Variants in GATAD1 observed in about 807,000 individuals in gnomAD.
GATAD1 encodes the protein GATA zinc finger domain containing 1.
A neutral mutation model predicts 26.5 loss-of-function variants in GATAD1; 12 were observed. The observed-to-expected ratio is 0.45, with a 90% confidence interval of 0.29 to 0.73. GATAD1 has a LOEUF of 0.73. Ranked by LOEUF, GATAD1 falls within the 30% of genes least tolerant of loss-of-function variation. GATAD1 has a pLI of 0.10. For missense variants in GATAD1, 266 were observed against 342.1 expected (o/e 0.78, Z 1.75); for synonymous variants, 129 against 133.1 (o/e 0.97, Z 0.21).
downstream of GATAD1, chr7:92,461,464 C>A (rs757855724): frequency 2.0e-5 from 3 of 152,120 alleles, no homozygotes; most frequent in Non-Finnish European, 4.4e-5. Flanking sequence ...GGTTCTGTTT[C>A]TCTGATCGAA....
At chr7:92,469,195 G>T in the GATAD1 span, 1 of 736,796 alleles carries the variant, frequency 1.4e-6, no homozygotes, top group South Asian at 1.4e-5. Context: ...AAATAAACAG[G>T]TTCCCCCTCT....
chr7:92,488,688 T>C, the GATAD1 span, among the ~76,000 whole-genome samples: 463 of 152,290 alleles, frequency 3.0e-3, 2 homozygotes, highest in South Asian at 0.028. Context: ...AGAATCACTT[T>C]CAACTTTTAA....
rs1585175314 is a variant in GATAD1 at position 92,457,921 on chromosome 7, G to C, written c.*1359G>C. ...GGAGGCCTGAGTGGATGGATCACTT[G>C]AGGTCAGGAGTTCAGGACCAGCCTG... On this transcript the variant is annotated 3_prime_UTR_variant, in exon 5 of 5. Transcript: ENST00000287957. 1 of 152,226 alleles carries C rather than the reference G, an allele frequency of 6.6e-6. No individual in the cohort carries two copies. The highest frequency in any genetic ancestry group is 1.9e-4 in the East Asian group (1 of 5,188). The allele number at this position is 152,226 out of a possible 1,614,324, so 9.4% of individuals were successfully genotyped here.
At chr7:92,490,176 C>T in the GATAD1 span, 1 of 478,902 alleles carries the variant, frequency 2.1e-6, no homozygotes, top group Admixed American at 3.6e-5. Flanking sequence ...TTAAATCCAA[C>T]ACACTAATGC....
chr7:92,492,805 A>G, the GATAD1 span: 5 of 697,728 alleles, frequency 7.2e-6, no homozygotes, highest in East Asian at 2.6e-5. Flanking sequence ...TATTCCAACT[A>G]TGGAACATTC....
In GATAD1 at chr7:92,457,161, GAA is replaced by G. The variant is rs35310565; in HGVS notation, c.*618_*619del. The G allele has an allele frequency of 8.4e-5, 8 of 95,546 alleles. No homozygotes were observed. The East Asian group carries it at 1.3e-3, about 15-fold the overall frequency. The allele number at this position is 95,546 out of a possible 1,614,324, so 5.9% of individuals were successfully genotyped here. Reference sequence around the variant, plus strand: ...GCAACAGAGTGAGACTCTTGTCTCGGAAAAAAAAAAAAAAAAAAAAGGCTGGG... The same window carrying G: ...GCAACAGAGTGAGACTCTTGTCTCGGAAAAAAAAAAAAAAAAAAGGCTGGG... On this transcript the variant is annotated 3_prime_UTR_variant, in exon 5 of 5. Coordinates refer to ENST00000287957, the MANE Select transcript of GATAD1 (RefSeq NM_021167.5).
At chr7:92,461,294 A>T (rs1387836581), downstream of GATAD1, 1 of 152,264 alleles carries the variant, frequency 6.6e-6, no homozygotes, top group Non-Finnish European at 1.5e-5. Flanking sequence ...CCTGTCCTCC[A>T]CTTGAAATCT....
the GATAD1 span, among the ~76,000 whole-genome samples, chr7:92,485,137 A>G: frequency 6.6e-6 from 1 of 152,152 alleles, no homozygotes; most frequent in Admixed American, 6.5e-5. Flanking sequence ...ACAAATCACA[A>G]TGGTGGAATG....
Position 92,454,344 on chromosome 7 carries a change from T to A in GATAD1, c.436-158T>A. 13 of 619,186 alleles carry A rather than the reference T, an allele frequency of 2.1e-5. 1 individual carries two copies. In the South Asian group the frequency reaches 2.4e-4, roughly 12 times the overall value. The allele number at this position is 619,186 out of a possible 1,614,324, so 38.4% of individuals were successfully genotyped here. A position where few individuals can be genotyped will look rare whatever the true frequency, so the allele number is the denominator to read the frequency against. ...AATTTTCATTCAAACGTGAAACAAC[T>A]TTAGAATTGGCACCAAACATATAAA... On this transcript the variant is annotated intron_variant, in intron 3 of 4. Transcript: ENST00000287957.
At chr7:92,448,996 GGGGAATGGTCCAGATTCCCCAAAA>G (rs1789300775) in intron 2 of GATAD1, 119 bp downstream of exon 2, 9 of 1,188,402 alleles carry the variant, frequency 7.6e-6, no homozygotes, top group Non-Finnish European at 1.1e-5. Context: ...TTAGTATTCT[GGGGAATGGTCCAGATTCCCCAAAA>G]GGGAATGAGC....
the GATAD1 span, chr7:92,469,249 A>G: frequency 1.2e-4 from 92 of 764,074 alleles, no homozygotes; most frequent in Non-Finnish European, 2.1e-4. Flanking sequence ...TTGAAGGACT[A>G]CTGCTGCTAG....
At chr7:92,492,060 T>C in the GATAD1 span, among the ~76,000 whole-genome samples, 1 of 152,322 alleles carries the variant, frequency 6.6e-6, no homozygotes, top group South Asian at 2.1e-4. Flanking sequence ...AGTTCAAATA[T>C]CTACTGTAAA....
At chr7:92,475,277 C>T in the GATAD1 span, 6 of 152,092 alleles carry the variant, frequency 3.9e-5, no homozygotes, top group African/African-American at 9.6e-5. Flanking sequence ...GTCTTAGGGG[C>T]GTTTTTGTCT....
the GATAD1 span, chr7:92,491,634 TTCTC>T: frequency 3.1e-6 from 2 of 650,846 alleles, no homozygotes; most frequent in Non-Finnish European, 5.4e-6. Flanking sequence ...AGCTCATTAA[TTCTC>T]TAACGGTTTT....
At chr7:92,484,950 G>T in the GATAD1 span, among the ~76,000 whole-genome samples, 1 of 151,748 alleles carries the variant, frequency 6.6e-6, no homozygotes, top group South Asian at 2.1e-4. Flanking sequence ...AGGAGTCAGC[G>T]AAGGGAGATA....
At chr7:92,448,104 C>A in intron 1 of GATAD1, 126 bp downstream of exon 1, 1 of 554,264 alleles carries the variant, frequency 1.8e-6, no homozygotes, top group Non-Finnish European at 2.6e-6. Flanking sequence ...CTGGAACGCC[C>A]CTCCCCACCT....
the GATAD1 span, chr7:92,487,551 GAA>G: frequency 3.6e-6 from 5 of 1,379,636 alleles, no homozygotes; most frequent in Non-Finnish European, 5.1e-6. Context: ...TCTGAAAAAA[GAA>G]AGAGATAATT....
chr7:92,461,928 G>A (rs1026723597), downstream of GATAD1, among the ~76,000 whole-genome samples: 7 of 152,318 alleles, frequency 4.6e-5, no homozygotes, highest in Admixed American at 2.0e-4. Flanking sequence ...TGTGAACACA[G>A]GACCACACAA....
At chr7:92,448,014 G>T in intron 1 of GATAD1, 36 bp downstream of exon 1, 1 of 1,204,358 alleles carries the variant, frequency 8.3e-7, no homozygotes, top group South Asian at 4.2e-5. Flanking sequence ...GGCGGAGGCC[G>T]ACCAGGTGCT....
Sources: allele counts gnomAD v4.1 joint callset (sites outside exome capture counted in the v4.1 genomes callset), GRCh38; gene constraint gnomAD v4.1.1; transcripts MANE v1.5; gene names NCBI Gene and HGNC (gene_info 2026-07-23, HGNC 2026-07-21).